The following MID1 variants were observed in gnomAD, a reference collection of about 807,000 sequenced individuals.
MID1 encodes midline 1, also known as E3 ubiquitin-protein ligase Midline-1.
Under a neutral mutation model 40.4 loss-of-function variants are expected in MID1, and 7 were observed. That is an observed-to-expected ratio of 0.17 (90% CI 0.10 to 0.33). The LOEUF is 0.33. Ranked by LOEUF, MID1 falls within the 10% of genes least tolerant of loss-of-function variation. MID1 has a pLI of 1.00. For synonymous variants in MID1, 229 were observed against 221.2 expected (o/e 1.04, Z -0.31); for missense variants, 367 against 558.5 (o/e 0.66, Z 3.46).
intron 1 of MID1, among the ~76,000 whole-genome samples, chrX:10,786,771 A>G (rs2043887495): frequency 1.0e-5 from 1 of 96,322 alleles, no homozygotes; most frequent in African/African-American, 3.9e-5. Context: ...GAACAATGAG[A>G]ACACATGGAC....
chrX:10,721,477 G>A (rs1257407852), intron 1 of MID1, among the ~76,000 whole-genome samples: 1 of 110,604 alleles, frequency 9.0e-6, no homozygotes, highest in Non-Finnish European at 1.9e-5. Flanking sequence ...CATATAAAGT[G>A]TAATTTTGTG....
chrX:10,473,202 A>G (rs187707210), intron 6 of MID1, among the ~76,000 whole-genome samples: 92 of 110,229 alleles, frequency 8.3e-4, no homozygotes, highest in African/African-American at 3.1e-3. Flanking sequence ...GATAGTACAG[A>G]TATAGAACAT....
chrX:10,751,962 G>A (rs2147114982), intron 1 of MID1, among the ~76,000 whole-genome samples: 1 of 110,804 alleles, frequency 9.0e-6, no homozygotes, highest in Non-Finnish European at 1.9e-5. Context: ...AAACAGTCTG[G>A]GACCTCCCCC....
Position 10,485,851 on chromosome X carries a change from A to G in MID1, c.865-3223T>C, listed in dbSNP as rs73477242. On this transcript the variant is annotated intron_variant, in intron 4 of 9. Coordinates refer to ENST00000317552, the MANE Select transcript of MID1 (RefSeq NM_000381.4). ...TAAGGCCATGGAGAGCTCAACATTTAGTCCAAGTTAATTTTCTTAAACTTT... is the reference window on the plus strand; with the variant it reads ...TAAGGCCATGGAGAGCTCAACATTTGGTCCAAGTTAATTTTCTTAAACTTT... 3.2e-3 allele frequency among the ~76,000 whole-genome samples: 359 copies of G among 111,826 alleles called. 2 individuals are homozygous for G. Among genetic ancestry groups the G allele is most frequent in the African/African-American group, 0.011 (339 of 30,801 alleles).
chrX:10,667,690 G>A (rs1602506121), intron 1 of MID1, among the ~76,000 whole-genome samples: 1 of 111,280 alleles, frequency 9.0e-6, no homozygotes, highest in East Asian at 2.8e-4. Flanking sequence ...GAATCGCAAT[G>A]ATTAATTCGC....
chrX:10,475,953 T>C (rs1929983864), intron 5 of MID1, among the ~76,000 whole-genome samples: 1 of 111,515 alleles, frequency 9.0e-6, no homozygotes, highest in African/African-American at 3.3e-5. Flanking sequence ...TCTTAAAGCT[T>C]TGGATTTACA....
chrX:10,747,645 C>G, intron 1 of MID1, among the ~76,000 whole-genome samples: 1 of 112,258 alleles, frequency 8.9e-6, no homozygotes, highest in Non-Finnish European at 1.9e-5. Flanking sequence ...GCAGACATAA[C>G]TTTCCATTTA....
At chrX:10,664,462 G>T (rs921826790) in intron 1 of MID1, among the ~76,000 whole-genome samples, 2 of 111,857 alleles carry the variant, frequency 1.8e-5, no homozygotes, top group African/African-American at 6.5e-5. Context: ...GAGCCACCAC[G>T]CCCAGCAATA....
chrX:10,693,195 T>G (rs1333125454), intron 1 of MID1, among the ~76,000 whole-genome samples: 1 of 92,416 alleles, frequency 1.1e-5, no homozygotes, highest in African/African-American at 4.6e-5. Context: ...TGTTTTAACT[T>G]TTTTTTTTTT....
chrX:10,783,888 T>A (rs115656477), intron 1 of MID1, among the ~76,000 whole-genome samples: 2,888 of 103,418 alleles, frequency 0.028, 107 homozygotes, highest in African/African-American at 0.098. Flanking sequence ...CTCTTTTTTT[T>A]AAAAAAAAAA....
chrX:10,773,805 C>A (rs2043785784), intron 1 of MID1, among the ~76,000 whole-genome samples: 1 of 112,065 alleles, frequency 8.9e-6, no homozygotes, highest in South Asian at 3.7e-4. Flanking sequence ...GCAGGTCCAG[C>A]TCACATACAG....
chrX:10,465,191 A>T (rs1209894788), intron 7 of MID1, among the ~76,000 whole-genome samples: 1 of 55,359 alleles, frequency 1.8e-5, no homozygotes, highest in Non-Finnish European at 3.1e-5. Flanking sequence ...GAAATTTTAT[A>T]TATATATATA....
At chrX:10,758,054 C>T (rs2043645036) in intron 1 of MID1, among the ~76,000 whole-genome samples, 1 of 109,933 alleles carries the variant, frequency 9.1e-6, no homozygotes, top group Admixed American at 9.8e-5. Context: ...GCCTCCACTT[C>T]CCAGGCTCAA....
At chrX:10,572,402 T>G (rs1302931001) in intron 1 of MID1, among the ~76,000 whole-genome samples, 1 of 109,381 alleles carries the variant, frequency 9.1e-6, no homozygotes, top group African/African-American at 3.3e-5. Flanking sequence ...ATACAAAAAA[T>G]TAGCTGGGTG....
At chrX:10,555,982 C>T (rs1934104007) in intron 2 of MID1, among the ~76,000 whole-genome samples, 1 of 110,021 alleles carries the variant, frequency 9.1e-6, no homozygotes, top group Non-Finnish European at 1.9e-5. Context: ...CCTCCTCCAG[C>T]CCCAGTCGAT....
At chrX:10,724,078 G>T (rs1297663644) in intron 1 of MID1, among the ~76,000 whole-genome samples, 2 of 110,115 alleles carry the variant, frequency 1.8e-5, no homozygotes, top group African/African-American at 6.6e-5. Flanking sequence ...CATTTATTTT[G>T]TTGAGACAGG....
intron 1 of MID1, among the ~76,000 whole-genome samples, chrX:10,658,368 C>T (rs960712621): frequency 1.1e-5 from 1 of 89,647 alleles, no homozygotes; most frequent in Non-Finnish European, 2.1e-5. Context: ...AATGAAATTT[C>T]CCCATTGTTG....
At chrX:10,758,777 C>T (rs954645304) in intron 1 of MID1, among the ~76,000 whole-genome samples, 5 of 110,928 alleles carry the variant, frequency 4.5e-5, no homozygotes, top group Admixed American at 3.9e-4. Flanking sequence ...CTTGAGCCAC[C>T]GCGCCCGGCC....
chrX:10,823,322 G>A (rs1419705675), intron 1 of MID1, among the ~76,000 whole-genome samples: 1 of 110,832 alleles, frequency 9.0e-6, no homozygotes, highest in Non-Finnish European at 1.9e-5. Context: ...GGGGCCTGTT[G>A]GGGAGGTGGG....
Sources: allele counts gnomAD v4.1 joint callset (sites outside exome capture counted in the v4.1 genomes callset), GRCh38; gene constraint gnomAD v4.1.1; transcripts MANE v1.5; gene names NCBI Gene and HGNC (gene_info 2026-07-23, HGNC 2026-07-21).